Variants in EXOC4 observed in about 807,000 individuals in gnomAD.
EXOC4 encodes the protein exocyst complex component 4.
A neutral mutation model predicts 107.2 loss-of-function variants in EXOC4; 71 were observed. That is an observed-to-expected ratio of 0.66 (90% CI 0.55 to 0.81). The LOEUF (loss-of-function observed/expected upper bound fraction) is 0.81. Ranked by LOEUF, EXOC4 falls within the 30% of genes least tolerant of loss-of-function variation. The pLI is 0.00. For missense variants in EXOC4, 1,108 were observed against 1,189.6 expected, an observed-to-expected ratio of 0.93 and a Z score of 1.01; for synonymous variants, 456 against 441.2, an observed-to-expected ratio of 1.03 and a Z score of -0.42.
At chr7:133,507,740 A>G (rs1051094111) in intron 9 of EXOC4, among the ~76,000 whole-genome samples, 12 of 152,182 alleles carry the variant, frequency 7.9e-5, no homozygotes, top group Admixed American at 6.5e-4. Context: ...TCTGAAGTAT[A>G]AAGTGTTAAG....
At chr7:133,537,287 A>T in intron 9 of EXOC4, among the ~76,000 whole-genome samples, 1 of 144,322 alleles carries the variant, frequency 6.9e-6, no homozygotes, top group African/African-American at 2.7e-5. Context: ...GGTAGTTGGG[A>T]TTACAGGCAC....
At chr7:133,986,325 G>A (rs1794113311) in intron 14 of EXOC4, among the ~76,000 whole-genome samples, 2 of 152,152 alleles carry the variant, frequency 1.3e-5, no homozygotes, top group South Asian at 2.1e-4. Flanking sequence ...TCTTAGATAA[G>A]GCCCATCCTT....
At chr7:133,820,154 ATT>A (rs35640945) in intron 11 of EXOC4, among the ~76,000 whole-genome samples, 1,992 of 70,314 alleles carry the variant, frequency 0.028, 27 homozygotes, top group East Asian at 0.1. Context: ...CACCTGCTTC[ATT>A]TTTTTTTTTT....
In EXOC4 at chr7:133,841,863, G is replaced by A. The variant is rs114847148; in HGVS notation, c.1734+24319G>A. 2.4e-3 allele frequency among the ~76,000 whole-genome samples: 364 copies of A among 152,184 alleles called. 5 individuals are homozygous for A. The highest frequency in any genetic ancestry group is 8.2e-3 in the African/African-American group (340 of 41,514). On this transcript the variant is annotated intron_variant, in intron 11 of 17. Coordinates refer to ENST00000253861, the MANE Select transcript of EXOC4 (RefSeq NM_021807.4). ...CGGTGTCTGTTTTTCCCTTCTTTGTGTTCATATGTGCTCCATGTTTAGCTC... is the reference window on the plus strand; with the variant it reads ...CGGTGTCTGTTTTTCCCTTCTTTGTATTCATATGTGCTCCATGTTTAGCTC...
intron 14 of EXOC4, among the ~76,000 whole-genome samples, chr7:133,986,802 G>A (rs1156855360): frequency 6.6e-6 from 1 of 152,168 alleles, no homozygotes; most frequent in Admixed American, 6.5e-5. Flanking sequence ...TATGAAGACT[G>A]GGGGTAGAAT....
chr7:133,765,563 T>C (rs924400196), intron 10 of EXOC4, among the ~76,000 whole-genome samples: 2 of 152,012 alleles, frequency 1.3e-5, no homozygotes, highest in Admixed American at 1.3e-4. Flanking sequence ...ATGTTTAGGA[T>C]AAAAATAAAA....
chr7:133,593,875 A>G (rs1801604981), intron 9 of EXOC4, among the ~76,000 whole-genome samples: 1 of 152,238 alleles, frequency 6.6e-6, no homozygotes, highest in Non-Finnish European at 1.5e-5. Flanking sequence ...TTAAATATTA[A>G]AACAAGAGTT....
chr7:133,582,310 C>G (rs1041728414), intron 9 of EXOC4, among the ~76,000 whole-genome samples: 3 of 152,218 alleles, frequency 2.0e-5, no homozygotes, highest in Admixed American at 2.0e-4. Context: ...AGGACATGAT[C>G]TTGTTCTTTC....
chr7:133,967,554 C>T (rs976107010), intron 14 of EXOC4, among the ~76,000 whole-genome samples: 7 of 152,246 alleles, frequency 4.6e-5, no homozygotes, highest in South Asian at 2.1e-4. Context: ...TTTCAAAGAA[C>T]GTATTTATTT....
intron 17 of EXOC4, among the ~76,000 whole-genome samples, chr7:134,060,782 T>C (rs2116627090): frequency 6.6e-6 from 1 of 152,352 alleles, no homozygotes; most frequent in East Asian, 1.9e-4. Flanking sequence ...TTCTGAAAGA[T>C]AAATGAATTT....
At chr7:133,398,161 G>A (rs1443711133) in intron 7 of EXOC4, among the ~76,000 whole-genome samples, 1 of 152,136 alleles carries the variant, frequency 6.6e-6, no homozygotes, top group Non-Finnish European at 1.5e-5. Context: ...AGGCTGACAG[G>A]CACCTATACC....
At chr7:133,866,109 T>G (rs1585209271) in intron 11 of EXOC4, among the ~76,000 whole-genome samples, 1 of 152,182 alleles carries the variant, frequency 6.6e-6, no homozygotes, top group Non-Finnish European at 1.5e-5. Context: ...CAATTACTAA[T>G]AGTAGGCACA....
chr7:134,061,943 A>G (rs1374995738), intron 17 of EXOC4, among the ~76,000 whole-genome samples: 1 of 152,190 alleles, frequency 6.6e-6, no homozygotes, highest in Non-Finnish European at 1.5e-5. Context: ...GCTAAACATG[A>G]AACTTCAAAA....
chr7:133,922,539 A>C (rs1292238912), intron 13 of EXOC4, among the ~76,000 whole-genome samples: 1 of 152,148 alleles, frequency 6.6e-6, no homozygotes, highest in Non-Finnish European at 1.5e-5. Context: ...TGTCACTACA[A>C]CAAGGTTTTT....
intron 9 of EXOC4, among the ~76,000 whole-genome samples, chr7:133,489,020 T>C: frequency 7.5e-6 from 1 of 133,222 alleles, no homozygotes; most frequent in South Asian, 2.5e-4. Flanking sequence ...TAATATATAA[T>C]ATCTAATATA....
intron 9 of EXOC4, among the ~76,000 whole-genome samples, chr7:133,509,525 T>C (rs187467926): frequency 1.5e-4 from 22 of 150,356 alleles, no homozygotes; most frequent in Non-Finnish European, 2.7e-4. Context: ...TTATAACCCT[T>C]CCTCTTCCTC....
At chr7:133,955,841 A>C (rs2116813978) in intron 14 of EXOC4, among the ~76,000 whole-genome samples, 1 of 152,366 alleles carries the variant, frequency 6.6e-6, no homozygotes, top group Admixed American at 6.5e-5. Flanking sequence ...AGGTTGCAAC[A>C]GTGCCCAGGC....
At chr7:133,786,296 C>T (rs1009645054) in intron 10 of EXOC4, among the ~76,000 whole-genome samples, 2 of 152,256 alleles carry the variant, frequency 1.3e-5, no homozygotes, top group Non-Finnish European at 2.9e-5. Context: ...TCGCTAACTC[C>T]CAAGCCCCAG....
chr7:133,960,403 T>G (rs1005005148), intron 14 of EXOC4, among the ~76,000 whole-genome samples: 1 of 152,212 alleles, frequency 6.6e-6, no homozygotes, highest in African/African-American at 2.4e-5. Flanking sequence ...TTTCTCTATC[T>G]TGTGGAATAG....
Sources: allele counts gnomAD v4.1 joint callset (sites outside exome capture counted in the v4.1 genomes callset), GRCh38; gene constraint gnomAD v4.1.1; transcripts MANE v1.5; gene names NCBI Gene and HGNC (gene_info 2026-07-23, HGNC 2026-07-21).